Variants in SLC10A7 observed in about 807,000 individuals in gnomAD.
SLC10A7 encodes the protein sodium/bile acid cotransporter 7.
SLC10A7 carries 29 observed loss-of-function variants against 43.2 expected under a neutral mutation model. The observed-to-expected ratio is 0.67, with a 90% CI of 0.50 to 0.92. The LOEUF (loss-of-function observed/expected upper bound fraction) is 0.92. Ranked by LOEUF, SLC10A7 falls within the 40% of genes least tolerant of loss-of-function variation. The pLI, the probability that SLC10A7 is intolerant of heterozygous loss-of-function variation, is 0.00. For missense variants in SLC10A7, 295 were observed against 403.2 expected (o/e 0.73, Z 2.30); for synonymous variants, 152 against 144.8 (o/e 1.05, Z -0.35).
intron 3 of SLC10A7, among the ~76,000 whole-genome samples, chr4:146,506,053 A>G (rs192266733): frequency 1.2e-4 from 18 of 152,160 alleles, no homozygotes; most frequent in Admixed American, 9.8e-4. Flanking sequence ...TACCCCCAAT[A>G]CTAGGACAGA....
intron 5 of SLC10A7, among the ~76,000 whole-genome samples, chr4:146,410,476 G>C (rs1728109260): frequency 6.6e-6 from 1 of 152,138 alleles, no homozygotes; most frequent in Non-Finnish European, 1.5e-5. Context: ...GACACACATA[G>C]ACTTCCTACA....
At chr4:146,423,011 G>A (rs1464018706) in intron 5 of SLC10A7, among the ~76,000 whole-genome samples, 1 of 152,046 alleles carries the variant, frequency 6.6e-6, no homozygotes, top group African/African-American at 2.4e-5. Context: ...TACCTTCAAA[G>A]TATTCAATAA....
intron 5 of SLC10A7, among the ~76,000 whole-genome samples, chr4:146,330,193 T>C (rs1187538254): frequency 6.6e-6 from 1 of 152,268 alleles, no homozygotes; most frequent in East Asian, 1.9e-4. Flanking sequence ...AAATCTTAGA[T>C]AGATTTAGCT....
intron 10 of SLC10A7, among the ~76,000 whole-genome samples, chr4:146,282,889 T>G (rs998741420): frequency 1.3e-5 from 2 of 152,178 alleles, no homozygotes; most frequent in Non-Finnish European, 2.9e-5. Context: ...TAGAAGTAGT[T>G]TCCACAGCAT....
intron 5 of SLC10A7, among the ~76,000 whole-genome samples, chr4:146,404,278 C>T (rs965058166): frequency 3.3e-5 from 5 of 152,142 alleles, no homozygotes; most frequent in Admixed American, 2.0e-4. Context: ...CCTCGGCCGC[C>T]CAAAGTGCTG....
At chr4:146,447,850 A>T (rs1731241147) in intron 4 of SLC10A7, among the ~76,000 whole-genome samples, 1 of 152,094 alleles carries the variant, frequency 6.6e-6, no homozygotes, top group Non-Finnish European at 1.5e-5. Context: ...ATTTTGGAAA[A>T]CTGAGCAAGT....
intron 5 of SLC10A7, among the ~76,000 whole-genome samples, chr4:146,378,860 C>G (rs1737397546): frequency 1.3e-5 from 2 of 152,084 alleles, no homozygotes; most frequent in Admixed American, 6.6e-5. Context: ...AACTCAAAGC[C>G]CAATGGGAAG....
At chr4:146,294,870 A>AACC (rs1261634077) in intron 7 of SLC10A7, among the ~76,000 whole-genome samples, 1 of 152,200 alleles carries the variant, frequency 6.6e-6, no homozygotes, top group Non-Finnish European at 1.5e-5. Flanking sequence ...CATAAAAGTG[A>AACC]ACCACTCTAC....
intron 4 of SLC10A7, among the ~76,000 whole-genome samples, chr4:146,478,528 G>A (rs1326260713): frequency 6.6e-6 from 1 of 152,162 alleles, no homozygotes; most frequent in Non-Finnish European, 1.5e-5. Flanking sequence ...GTAGCAGAAA[G>A]TTGTGGGGAA....
intron 5 of SLC10A7, among the ~76,000 whole-genome samples, chr4:146,440,281 T>TTTTCC (rs1730499714): frequency 6.8e-6 from 1 of 145,990 alleles, no homozygotes; most frequent in African/African-American, 2.7e-5. Context: ...GTCTTTTTTC[T>TTTTCC]TTTCTTTTCT....
chr4:146,463,028 T>C (rs1403697738), intron 4 of SLC10A7, among the ~76,000 whole-genome samples: 2 of 152,154 alleles, frequency 1.3e-5, no homozygotes, highest in African/African-American at 2.4e-5. Context: ...ATTTATAACA[T>C]GGTTAGAGAT....
intron 9 of SLC10A7, among the ~76,000 whole-genome samples, chr4:146,290,163 A>T (rs1352938911): frequency 6.6e-6 from 1 of 151,128 alleles, no homozygotes; most frequent in Non-Finnish European, 1.5e-5. Flanking sequence ...TCTCTACTAA[A>T]AATACAAAAA....
chr4:146,324,771 A>G (rs1174237162), intron 6 of SLC10A7, among the ~76,000 whole-genome samples: 1 of 152,154 alleles, frequency 6.6e-6, no homozygotes, highest in African/African-American at 2.4e-5. Flanking sequence ...TTCCAAATTA[A>G]TGCAAATAGT....
chr4:146,347,333 T>C (rs2149736916), intron 5 of SLC10A7, among the ~76,000 whole-genome samples: 1 of 152,312 alleles, frequency 6.6e-6, no homozygotes, highest in East Asian at 1.9e-4. Flanking sequence ...AGCCTTCTCA[T>C]CTTCCAGGAA....
At chr4:146,300,910 C>T (rs1016284298) in intron 7 of SLC10A7, among the ~76,000 whole-genome samples, 3 of 151,984 alleles carry the variant, frequency 2.0e-5, no homozygotes, top group Non-Finnish European at 4.4e-5. Context: ...TACTGCTGGG[C>T]GCTCCCTGAA....
chr4:146,264,957 TCA>T (rs1240174265), intron 10 of SLC10A7, among the ~76,000 whole-genome samples: 6 of 152,068 alleles, frequency 3.9e-5, no homozygotes, highest in African/African-American at 1.4e-4. Flanking sequence ...ATCCTACAAA[TCA>T]CAGTGAGATT....
intron 8 of SLC10A7, 66 bp downstream of exon 8, chr4:146,293,864 C>T: frequency 9.5e-7 from 1 of 1,049,668 alleles, no homozygotes; most frequent in Non-Finnish European, 1.3e-6. Context: ...TTAGAGAACA[C>T]ACAGTGCTAC....
At chr4:146,444,393 G>A (rs1730856959) in intron 4 of SLC10A7, among the ~76,000 whole-genome samples, 3 of 151,942 alleles carry the variant, frequency 2.0e-5, no homozygotes, top group Non-Finnish European at 2.9e-5. Flanking sequence ...AATAACTAGC[G>A]GTCTTGTCTA....
chr4:146,315,869 C>A (rs1251339328), intron 6 of SLC10A7, among the ~76,000 whole-genome samples: 2 of 152,062 alleles, frequency 1.3e-5, no homozygotes, highest in Non-Finnish European at 2.9e-5. Context: ...AGGTTGAGTT[C>A]CTAACCTCCT....
Sources: gnomAD v4.1 joint callset for allele counts (sites outside exome capture counted in the v4.1 genomes callset) on GRCh38, gnomAD v4.1.1 for gene constraint, MANE v1.5 for transcripts, NCBI Gene and HGNC (gene_info 2026-07-23, HGNC 2026-07-21) for gene names.